Variants in YIPF7 observed in about 807,000 individuals in gnomAD.
The protein encoded by YIPF7 is protein YIPF7.
YIPF7 carries 35 observed loss-of-function variants against 27.2 expected under a neutral mutation model. The ratio of observed to expected loss-of-function variants is 1.29; its 90% CI spans 0.98 to 1.70. The LOEUF is 1.70. Ranked by LOEUF, YIPF7 falls within the 40% of genes most tolerant of loss-of-function variation. YIPF7 has a pLI of 0.00. For synonymous variants in YIPF7, 137 were observed against 110.4 expected, an observed-to-expected ratio of 1.24 and a Z score of -1.51; for missense variants, 358 against 303.7, an observed-to-expected ratio of 1.18 and a Z score of -1.33.
chr4:44,622,494 G>A lies in YIPF7; in HGVS notation c.691C>T (p.His231Tyr). Residue 231 changes from histidine to tyrosine, a missense_variant, in exon 6 of 6, where the codon CAC (histidine) becomes TAC (tyrosine). His to Tyr is a moderately conservative substitution (Grantham distance 83). Transcript: ENST00000415895. ...ACAAGAAGCTGCTGTCCTTCCATGTGCAAGGCTGCAATGAAGATCTTGGAA... is the reference window on the plus strand; with the variant it reads ...ACAAGAAGCTGCTGTCCTTCCATGTACAAGGCTGCAATGAAGATCTTGGAA... ...SASKIFIAAL[H>Y]MEGQQLLVAY... The A allele has an allele frequency of 6.2e-7, 1 of 1,613,896 alleles. No homozygotes were observed. The highest frequency in any genetic ancestry group is 8.5e-7 in the Non-Finnish European group (1 of 1,179,836).
chr4:44,656,250 C>A (rs543417712), upstream of YIPF7, among the ~76,000 whole-genome samples: 34 of 151,998 alleles, frequency 2.2e-4, no homozygotes, highest in South Asian at 6.7e-3. Context: ...AAATTTACAT[C>A]CATTTAGCAA....
chr4:44,627,034 G>A (rs1396065087), intron 4 of YIPF7, among the ~76,000 whole-genome samples: 4 of 151,416 alleles, frequency 2.6e-5, no homozygotes, highest in Admixed American at 6.6e-5. Context: ...CGCCCGCCTC[G>A]GCCTCCCAAA....
chr4:44,633,169 G>T (rs1360185369), intron 3 of YIPF7, among the ~76,000 whole-genome samples: 1 of 152,120 alleles, frequency 6.6e-6, no homozygotes, highest in African/African-American at 2.4e-5. Context: ...TCCCCAACCT[G>T]GCTGTGGAAA....
intron 2 of YIPF7, among the ~76,000 whole-genome samples, chr4:44,646,747 T>C (rs1467162840): frequency 1.3e-5 from 2 of 152,132 alleles, no homozygotes; most frequent in African/African-American, 2.4e-5. Context: ...CAATACACCA[T>C]TGAGCCAAAC....
upstream of YIPF7, among the ~76,000 whole-genome samples, chr4:44,656,219 T>G (rs1167014754): frequency 6.6e-6 from 1 of 152,052 alleles, no homozygotes; most frequent in Non-Finnish European, 1.5e-5. Flanking sequence ...TAATAGTCAT[T>G]TAAATATGTA....
At position 44,642,724 on chromosome 4, in the gene YIPF7, T is replaced by C. The variant is rs544167648; in HGVS notation, c.117-6639A>G. 5.3e-5 allele frequency among the ~76,000 whole-genome samples: 8 copies of C among 152,140 alleles called. No homozygotes were observed. The South Asian group carries it at 1.5e-3, about 28-fold the overall frequency. On this transcript the variant is annotated intron_variant, in intron 2 of 5. Coordinates refer to ENST00000415895, the MANE Select transcript of YIPF7 (RefSeq NM_182592.3). ...ATAGAGTTCTCATGAGATCTGATTGTTTAAAAGTGTGTAGCACTTCCCACC... is the reference window on the plus strand; with the variant it reads ...ATAGAGTTCTCATGAGATCTGATTGCTTAAAAGTGTGTAGCACTTCCCACC...
upstream of YIPF7, among the ~76,000 whole-genome samples, chr4:44,653,920 G>A (rs2348354): frequency 0.99 from 149,947 of 152,152 alleles, 73,924 homozygotes; most frequent in East Asian, 1. Context: ...GTCCATTTAG[G>A]TACATTTTAA....
intron 2 of YIPF7, among the ~76,000 whole-genome samples, chr4:44,645,760 A>C (rs1045664868): frequency 5.3e-5 from 8 of 152,188 alleles, no homozygotes; most frequent in African/African-American, 1.9e-4. Flanking sequence ...TCTTCCTTTA[A>C]AAATCACTTC....
chr4:44,661,159 A>T (rs1390197176), intron 1 of YIPF7, among the ~76,000 whole-genome samples: 2 of 152,218 alleles, frequency 1.3e-5, no homozygotes, highest in Non-Finnish European at 2.9e-5. Context: ...CCAAAGTAGA[A>T]AATGGCTTCA....
In YIPF7 at chr4:44,629,428, A is replaced by C; in HGVS notation, c.401T>G (p.Val134Gly). The change falls in exon 4 of 6, where the codon GTA (valine) becomes GGA (glycine). Residue 134 changes from valine to glycine, a missense_variant. By Grantham distance (109) the Val-to-Gly change is moderately radical (BLOSUM62 -3). Transcript: ENST00000415895. ...TDLTGPILFC[V>G]ALGATLLLAG... ...CAGAAGCAAGGTGGCTCCCAGGGCTACGCAAAAAAGAATGGGTCCAGTGAG... is the reference window on the plus strand; with the variant it reads ...CAGAAGCAAGGTGGCTCCCAGGGCTCCGCAAAAAAGAATGGGTCCAGTGAG... 1 of 1,597,688 alleles carries C rather than the reference A, an allele frequency of 6.3e-7. No individual in the cohort carries two copies. The highest frequency in any genetic ancestry group is 1.1e-5 in the South Asian group (1 of 87,660).
intron 2 of YIPF7, among the ~76,000 whole-genome samples, chr4:44,647,518 A>C (rs1713569441): frequency 6.6e-6 from 1 of 152,152 alleles, no homozygotes; most frequent in Non-Finnish European, 1.5e-5. Flanking sequence ...TGTGGATTGC[A>C]AATTTAGAGT....
At chr4:44,656,247 C>T (rs571671210), upstream of YIPF7, among the ~76,000 whole-genome samples, 3 of 152,076 alleles carry the variant, frequency 2.0e-5, no homozygotes, top group African/African-American at 7.2e-5. Context: ...GTCAAATTTA[C>T]ATCCATTTAG....
At chr4:44,648,646 C>T (rs1713611949) in intron 2 of YIPF7, among the ~76,000 whole-genome samples, 2 of 152,088 alleles carry the variant, frequency 1.3e-5, no homozygotes, top group South Asian at 4.1e-4. Context: ...ACTTCAGTGA[C>T]TTTAGGTAAC....
chr4:44,649,422 C>G (rs921585243), intron 2 of YIPF7, among the ~76,000 whole-genome samples: 3 of 152,028 alleles, frequency 2.0e-5, no homozygotes, highest in Admixed American at 1.3e-4. Flanking sequence ...TTGGCTTTTC[C>G]CAAGGAAACC....
At chr4:44,638,232 T>C (rs1317150952) in intron 2 of YIPF7, among the ~76,000 whole-genome samples, 1 of 147,824 alleles carries the variant, frequency 6.8e-6, no homozygotes, top group African/African-American at 2.5e-5. Context: ...TTTTTTTGGC[T>C]GTTTGTTGGC....
intron 2 of YIPF7, among the ~76,000 whole-genome samples, chr4:44,644,121 G>T (rs1713439382): frequency 6.6e-6 from 1 of 152,142 alleles, no homozygotes; most frequent in African/African-American, 2.4e-5. Context: ...CCAGAACATG[G>T]TGTGCCCTGC....
At position 44,624,209 on chromosome 4, in the gene YIPF7, C is replaced by T. The variant is rs551782294; in HGVS notation, c.608+392G>A. Among the ~76,000 whole-genome samples the T allele has an allele frequency of 1.2e-4, 18 of 151,900 alleles. No individual in the cohort carries two copies. The South Asian group carries it at 3.5e-3, about 30-fold the overall frequency. ...CCTCCCGAGTAGATGGGATTACAGGCCTGCGCCACCATGCCTGGCTAATTT... is the reference window on the plus strand; with the variant it reads ...CCTCCCGAGTAGATGGGATTACAGGTCTGCGCCACCATGCCTGGCTAATTT... On this transcript the variant is annotated intron_variant, in intron 5 of 5. Coordinates refer to ENST00000415895, the MANE Select transcript of YIPF7 (RefSeq NM_182592.3).
At chr4:44,633,782 C>T (rs912417779) in intron 3 of YIPF7, among the ~76,000 whole-genome samples, 13 of 151,992 alleles carry the variant, frequency 8.6e-5, no homozygotes, top group African/African-American at 3.1e-4. Context: ...TATAAAATCC[C>T]TAAAAAATAA....
At chr4:44,625,036 T>G (rs1469069081) in intron 4 of YIPF7, among the ~76,000 whole-genome samples, 1 of 152,184 alleles carries the variant, frequency 6.6e-6, no homozygotes, top group Non-Finnish European at 1.5e-5. Flanking sequence ...TTTCTAGACT[T>G]ATATTTTTTA....
Sources: gnomAD v4.1 joint callset for allele counts (sites outside exome capture counted in the v4.1 genomes callset) on GRCh38, gnomAD v4.1.1 for gene constraint, MANE v1.5 for transcripts, NCBI Gene and HGNC (gene_info 2026-07-23, HGNC 2026-07-21) for gene names.